The following CACNA1C variants were observed in gnomAD, a reference collection of about 807,000 sequenced individuals.
CACNA1C encodes voltage-dependent L-type calcium channel subunit alpha-1C.
A neutral mutation model predicts 229.0 loss-of-function variants in CACNA1C; 30 were observed. That is an observed-to-expected ratio of 0.13 (90% CI 0.10 to 0.18). The LOEUF (loss-of-function observed/expected upper bound fraction) is 0.18. Ranked by LOEUF, CACNA1C falls within the 10% of genes least tolerant of loss-of-function variation. CACNA1C has a pLI of 1.00. For missense variants in CACNA1C, 1,658 were observed against 2,845.0 expected, an observed-to-expected ratio of 0.58 and a Z score of 9.49; for synonymous variants, 1,114 against 1,132.5, an observed-to-expected ratio of 0.98 and a Z score of 0.33.
chr12:2,151,154 G>A (rs773100799), intron 3 of CACNA1C, among the ~76,000 whole-genome samples: 23 of 152,258 alleles, frequency 1.5e-4, no homozygotes, highest in Non-Finnish European at 2.9e-4. Context: ...ACTCAACTCC[G>A]TAGAAATCAA....
At chr12:2,387,964 A>G (rs540309100) in intron 3 of CACNA1C, among the ~76,000 whole-genome samples, 21 of 152,316 alleles carry the variant, frequency 1.4e-4, no homozygotes, top group African/African-American at 4.8e-4. Context: ...TCAGTGGCCC[A>G]GGAGAGATGA....
intron 5 of CACNA1C, among the ~76,000 whole-genome samples, chr12:2,482,766 G>A (rs1260674418): frequency 1.3e-5 from 2 of 152,152 alleles, no homozygotes; most frequent in African/African-American, 2.4e-5. Context: ...GGACAGATAA[G>A]TGTTTATCTG....
At chr12:2,257,348 A>G (rs985246637) in intron 3 of CACNA1C, among the ~76,000 whole-genome samples, 2 of 152,172 alleles carry the variant, frequency 1.3e-5, no homozygotes, top group African/African-American at 2.4e-5. Flanking sequence ...GCGGTCTCCA[A>G]CCTTTTTGGC....
chr12:2,577,350 G>A (rs1360903145), intron 13 of CACNA1C, among the ~76,000 whole-genome samples: 1 of 152,228 alleles, frequency 6.6e-6, no homozygotes, highest in East Asian at 1.9e-4. Flanking sequence ...GTGAATTTGA[G>A]AATGTGAGTT....
At chr12:2,237,758 A>G (rs1444342161) in intron 3 of CACNA1C, among the ~76,000 whole-genome samples, 1 of 152,232 alleles carries the variant, frequency 6.6e-6, no homozygotes, top group Non-Finnish European at 1.5e-5. Context: ...TTTTATATCC[A>G]AGCTTCAAAA....
intron 3 of CACNA1C, among the ~76,000 whole-genome samples, chr12:2,330,864 T>C (rs2096524620): frequency 6.6e-6 from 1 of 152,106 alleles, no homozygotes; most frequent in African/African-American, 2.4e-5. Flanking sequence ...AATAGATTAA[T>C]GGAAAAAGAA....
chr12:2,657,456 T>C (rs2153678996), intron 34 of CACNA1C, among the ~76,000 whole-genome samples: 1 of 152,036 alleles, frequency 6.6e-6, no homozygotes, highest in South Asian at 2.1e-4. Flanking sequence ...ATGTTAAAGA[T>C]TTAAAGGTCA....
Position 2,595,830 on chromosome 12 carries a change from G to T in CACNA1C, c.2664-44G>T. ...CAAGAGCCGACTGGTGCTTCCCCTT[G>T]TCTGCCTTGACTTGTCTCTCCTCCT... is the stretch of plus-strand genomic sequence containing the variant. On this transcript the variant is annotated intron_variant, in intron 19 of 46. Coordinates refer to ENST00000399655, the MANE Select transcript of CACNA1C (RefSeq NM_000719.7). This position sits in a 1 kb window ranked among gnomAD's most constrained non-coding sequence, Gnocchi z 4.1. The T allele has an allele frequency of 6.3e-7, 1 of 1,597,006 alleles. No homozygotes were observed. The highest frequency in any genetic ancestry group is 8.5e-7 in the Non-Finnish European group (1 of 1,169,652).
chr12:2,202,780 T>C (rs1287282454), intron 3 of CACNA1C, among the ~76,000 whole-genome samples: 1 of 152,224 alleles, frequency 6.6e-6, no homozygotes, highest in East Asian at 1.9e-4. Context: ...TGAGCTCTGT[T>C]GTCCTCTTCC....
chr12:2,606,798 C>T, intron 25 of CACNA1C, 135 bp downstream of exon 25: 1 of 932,884 alleles, frequency 1.1e-6, no homozygotes, highest in African/African-American at 1.6e-5. Context: ...GTCATCTGGC[C>T]TCACGGACAC....
chr12:2,237,590 A>C (rs1315652945), intron 3 of CACNA1C, among the ~76,000 whole-genome samples: 2 of 152,136 alleles, frequency 1.3e-5, no homozygotes, highest in Non-Finnish European at 2.9e-5. Flanking sequence ...GACCCTAAGC[A>C]CTCAATTCCT....
At chr12:2,255,219 G>C (rs539982308) in intron 3 of CACNA1C, among the ~76,000 whole-genome samples, 15 of 150,972 alleles carry the variant, frequency 9.9e-5, no homozygotes, top group Admixed American at 9.9e-4. Context: ...CTGAGGTACT[G>C]TGAGAGCCAG....
intron 3 of CACNA1C, among the ~76,000 whole-genome samples, chr12:2,253,783 C>T (rs549040463): frequency 6.6e-6 from 1 of 152,344 alleles, no homozygotes; most frequent in South Asian, 2.1e-4. Context: ...ATTCTGATGT[C>T]CAAAGTATGC....
intron 3 of CACNA1C, among the ~76,000 whole-genome samples, chr12:2,204,798 T>G (rs1599018427): frequency 2.9e-5 from 2 of 69,382 alleles, no homozygotes. Context: ...TGTGGTGGGG[T>G]TGGGGGAGGG....
rs982793225 is a variant in CACNA1C at position 2,612,079 on chromosome 12, G to A, written c.3828+66G>A. The A allele has an allele frequency of 9.1e-5, 89 of 974,240 alleles. No individual in the cohort carries two copies. In the East Asian group the frequency reaches 2.1e-3, roughly 23 times the overall value. 60.3% of individuals were successfully genotyped at this position (974,240 alleles called of 1,614,324 possible). ...GGTGGACAGAACGGGGAGGTGGGGT[G>A]CAGGTATTGAAGGCAGAATGAGGGG... On this transcript the variant is annotated intron_variant, in intron 29 of 46. Transcript: ENST00000399655.
chr12:2,663,365 G>A (rs181686093), intron 34 of CACNA1C, among the ~76,000 whole-genome samples: 7 of 152,192 alleles, frequency 4.6e-5, no homozygotes, highest in Non-Finnish European at 7.3e-5. Context: ...CTTTTACCCC[G>A]CTGGTGGGAA....
chr12:2,553,059 G>C (rs189156485), intron 10 of CACNA1C, among the ~76,000 whole-genome samples: 3 of 152,270 alleles, frequency 2.0e-5, no homozygotes, highest in Admixed American at 2.0e-4. Flanking sequence ...CAGGAAGGAG[G>C]AATTTCTGTG....
intron 3 of CACNA1C, among the ~76,000 whole-genome samples, chr12:2,232,219 C>A (rs7965923): frequency 0.42 from 50,887 of 120,930 alleles, 10,028 homozygotes; most frequent in African/African-American, 0.56. Context: ...AGTTCTCAGT[C>A]TTTCCTTGTT....
chr12:2,182,626 T>A (rs1469995922), intron 3 of CACNA1C, among the ~76,000 whole-genome samples: 1 of 152,196 alleles, frequency 6.6e-6, no homozygotes. Context: ...TCTCCTTTCC[T>A]TTGTCTAATT....
Sources: gnomAD v4.1 joint callset for allele counts (sites outside exome capture counted in the v4.1 genomes callset) on GRCh38, gnomAD v4.1.1 for gene constraint, Gnocchi (gnomAD v3.1) non-coding constraint, MANE v1.5 for transcripts, NCBI Gene and HGNC (gene_info 2026-07-23, HGNC 2026-07-21) for gene names.